STAM2: variants seen among roughly 807,000 people sequenced by gnomAD.
STAM2 encodes signal transducing adaptor molecule 2.
A neutral mutation model predicts 65.6 loss-of-function variants in STAM2; 51 were observed. The observed-to-expected ratio is 0.78, with a 90% CI of 0.62 to 0.98. The LOEUF is 0.98. STAM2 is among the 50% of genes least tolerant of loss of function. The pLI, the probability that STAM2 is intolerant of heterozygous loss-of-function variation, is 0.00. For synonymous variants in STAM2, 198 were observed against 208.4 expected, an observed-to-expected ratio of 0.95 and a Z score of 0.43; for missense variants, 584 against 617.8, an observed-to-expected ratio of 0.95 and a Z score of 0.58.
At chr2:152,141,558 C>T (rs115443063) in intron 7 of STAM2, among the ~76,000 whole-genome samples, 1 of 151,406 alleles carries the variant, frequency 6.6e-6, no homozygotes, top group Non-Finnish European at 1.5e-5. Context: ...GAAATGTGCA[C>T]CTTTTCTATC....
intron 7 of STAM2, among the ~76,000 whole-genome samples, chr2:152,140,937 C>A (rs1579319393): frequency 6.7e-6 from 1 of 149,150 alleles, no homozygotes; most frequent in Admixed American, 6.7e-5. Flanking sequence ...GAGTTTGAGA[C>A]CAGCCTGGCC....
intron 1 of STAM2, among the ~76,000 whole-genome samples, chr2:152,168,085 G>GTAA (rs753844537): frequency 1.3e-5 from 2 of 152,042 alleles, no homozygotes; most frequent in African/African-American, 2.4e-5. Flanking sequence ...TGATACCTGG[G>GTAA]TAATAGGTGG....
chr2:152,133,451 T>C lies in STAM2; in HGVS notation c.833A>G (p.Asp278Gly). The C allele has an allele frequency of 6.2e-7, 1 of 1,612,824 alleles. No individual in the cohort carries two copies. ...CTCTGATTTCTTAATTTCCTCCACA[T>C]CATCATCAATTACATTCAATTTGTC... The part of the protein sequence containing the change: ...AVDKLNVIDD[D>G]VEEIKKSEPE... Residue 278 changes from aspartate to glycine, a missense_variant, in exon 9 of 14, where the codon GAT becomes GGT. Transcript: ENST00000263904.
intron 11 of STAM2, chr2:152,131,792 A>C (rs1689068556): frequency 3.8e-6 from 1 of 266,452 alleles, no homozygotes; most frequent in African/African-American, 2.3e-5. Context: ...CACGGCATGC[A>C]GAAAATACTA....
chr2:152,148,384 A>G, intron 2 of STAM2, 84 bp from the exon 3 acceptor site: 1 of 1,104,230 alleles, frequency 9.1e-7, no homozygotes, highest in East Asian at 2.7e-5. Context: ...CTATTACCAA[A>G]TAATTTTATA....
chr2:152,135,475 A>T lies in STAM2; in HGVS notation c.799+34T>A, dbSNP rs778842951. ...CATAAAATTTAAGTGAAAAAAACTT[A>T]AATAGATCTAATGTCGTCTAAGATT... On this transcript the variant is annotated intron_variant, in intron 8 of 13. Coordinates refer to ENST00000263904, the MANE Select transcript of STAM2 (RefSeq NM_005843.6). The T allele has an allele frequency of 1.2e-5, 17 of 1,450,670 alleles. No individual in the cohort carries two copies. The Admixed American group carries it at 3.2e-4, about 28-fold the overall frequency. 89.9% of individuals were successfully genotyped at this position (1,450,670 alleles called of 1,614,324 possible).
intron 1 of STAM2, among the ~76,000 whole-genome samples, chr2:152,169,649 T>C (rs1280219733): frequency 1.3e-5 from 2 of 151,996 alleles, no homozygotes; most frequent in African/African-American, 4.8e-5. Context: ...TGAAGAAACA[T>C]ATGAAAAAAT....
intron 1 of STAM2, among the ~76,000 whole-genome samples, chr2:152,161,886 G>C (rs1414674901): frequency 6.6e-6 from 1 of 151,690 alleles, no homozygotes; most frequent in East Asian, 1.9e-4. Context: ...GAAATGGCAC[G>C]ATCTTGGCTC....
chr2:152,118,406 C>A lies in STAM2; in HGVS notation c.*2168G>T, dbSNP rs1417226823. The A allele has an allele frequency of 6.7e-6, 1 of 149,608 alleles. No homozygotes were observed. Among genetic ancestry groups the A allele is most frequent in the East Asian group, 1.9e-4 (1 of 5,144 alleles). The allele number at this position is 149,608 out of a possible 1,614,324, so 9.3% of individuals were successfully genotyped here. A position where few individuals can be genotyped will look rare whatever the true frequency, so the allele number is the denominator to read the frequency against. ...CTTGAGAAAGAAAAAAACTTCTGCA[C>A]ATATAAACTTTCACCGATGTGCCAA... is the stretch of plus-strand genomic sequence containing the variant. On this transcript the variant is annotated 3_prime_UTR_variant, in exon 14 of 14. Coordinates refer to ENST00000263904, the MANE Select transcript of STAM2 (RefSeq NM_005843.6).
chr2:152,137,402 C>G (rs1689175856), intron 7 of STAM2, among the ~76,000 whole-genome samples: 1 of 152,188 alleles, frequency 6.6e-6, no homozygotes, highest in African/African-American at 2.4e-5. Context: ...GCTAGCTATT[C>G]AGATTGCCTT....
chr2:152,137,936 C>G (rs1346396892), intron 7 of STAM2, among the ~76,000 whole-genome samples: 3 of 152,126 alleles, frequency 2.0e-5, no homozygotes, highest in African/African-American at 7.2e-5. Context: ...GAGCCTATTT[C>G]TAGACTCCAT....
chr2:152,163,661 T>C (rs1689725893), intron 1 of STAM2, among the ~76,000 whole-genome samples: 1 of 152,178 alleles, frequency 6.6e-6, no homozygotes, highest in Non-Finnish European at 1.5e-5. Flanking sequence ...TATAAACAGA[T>C]GTGCAAGTAG....
At chr2:152,152,729 T>C (rs1689469036) in intron 1 of STAM2, among the ~76,000 whole-genome samples, 1 of 152,226 alleles carries the variant, frequency 6.6e-6, no homozygotes, top group Non-Finnish European at 1.5e-5. Flanking sequence ...GAATGGGCAG[T>C]TTCCCAAAGG....
chr2:152,127,072 G>C (rs1413758043), intron 11 of STAM2, among the ~76,000 whole-genome samples: 1 of 152,178 alleles, frequency 6.6e-6, no homozygotes, highest in East Asian at 1.9e-4. Context: ...AAACTTCTAG[G>C]GGGTACTTGG....
chr2:152,174,896 T>C (rs1313302421), intron 1 of STAM2, among the ~76,000 whole-genome samples: 1 of 152,230 alleles, frequency 6.6e-6, no homozygotes, highest in Non-Finnish European at 1.5e-5. Context: ...TATCCATGTT[T>C]TTCTCATTCT....
chr2:152,149,425 A>G (rs952999144), intron 2 of STAM2, among the ~76,000 whole-genome samples: 6 of 151,794 alleles, frequency 4.0e-5, no homozygotes, highest in Admixed American at 3.9e-4. Context: ...TAAGGACACC[A>G]ACACCCCACG....
At chr2:152,144,817 G>T in intron 6 of STAM2, 71 bp downstream of exon 6, 1 of 1,343,182 alleles carries the variant, frequency 7.4e-7, no homozygotes. Context: ...GATTACAGGC[G>T]TGAGCCACCG....
At chr2:152,152,529 A>C (rs1210054671) in intron 1 of STAM2, among the ~76,000 whole-genome samples, 1 of 151,576 alleles carries the variant, frequency 6.6e-6, no homozygotes, top group Non-Finnish European at 1.5e-5. Flanking sequence ...AGCCTGGGTG[A>C]CAGAGTGAGA....
chr2:152,131,785 G>A (rs1314107070), intron 11 of STAM2: 4 of 257,704 alleles, frequency 1.6e-5, no homozygotes, highest in East Asian at 1.0e-4. Flanking sequence ...TGATGGGCAC[G>A]GCATGCAGAA....
Sources: allele counts gnomAD v4.1 joint callset (sites outside exome capture counted in the v4.1 genomes callset), GRCh38; gene constraint gnomAD v4.1.1; transcripts MANE v1.5; gene names NCBI Gene and HGNC (gene_info 2026-07-23, HGNC 2026-07-21).